Variants in EIF4G3 observed in about 807,000 individuals in gnomAD.
EIF4G3 encodes the protein eIF-4-gamma 3.
A neutral mutation model predicts 186.4 loss-of-function variants in EIF4G3; 34 were observed. That is an observed-to-expected ratio of 0.18 (90% CI 0.14 to 0.24). EIF4G3 has a LOEUF of 0.24. Ranked by LOEUF, EIF4G3 falls within the 10% of genes least tolerant of loss-of-function variation. EIF4G3 has a pLI of 1.00. For synonymous variants in EIF4G3, 673 were observed against 679.5 expected, an observed-to-expected ratio of 0.99 and a Z score of 0.15; for missense variants, 1,536 against 1,948.5, an observed-to-expected ratio of 0.79 and a Z score of 3.99.
At chr1:20,814,769 C>A (rs1557738124) in intron 34 of EIF4G3, among the ~76,000 whole-genome samples, 1 of 70,770 alleles carries the variant, frequency 1.4e-5, no homozygotes, top group African/African-American at 5.2e-5. Flanking sequence ...CCCTCCCCCT[C>A]CCCCTCCCCC....
chr1:21,158,330 C>T (rs2097699230), intron 2 of EIF4G3, among the ~76,000 whole-genome samples: 1 of 151,752 alleles, frequency 6.6e-6, no homozygotes. Context: ...CACATACCAC[C>T]ATGCCCAGGT....
At chr1:21,166,916 G>A (rs2097864529) in intron 2 of EIF4G3, among the ~76,000 whole-genome samples, 1 of 151,882 alleles carries the variant, frequency 6.6e-6, no homozygotes, top group Non-Finnish European at 1.5e-5. Context: ...CAAGTAGCTG[G>A]GACTACAGGC....
At chr1:20,883,460 T>C (rs920471194) in intron 19 of EIF4G3, among the ~76,000 whole-genome samples, 1 of 151,466 alleles carries the variant, frequency 6.6e-6, no homozygotes, top group Non-Finnish European at 1.5e-5. Context: ...CTACTAAAAA[T>C]ATAAAAAGTT....
intron 33 of EIF4G3, among the ~76,000 whole-genome samples, chr1:20,821,232 A>T (rs920836630): frequency 6.6e-6 from 1 of 152,216 alleles, no homozygotes; most frequent in African/African-American, 2.4e-5. Flanking sequence ...GTCAACTAAA[A>T]GTCAATTAAA....
At chr1:21,011,469 C>T (rs145437464) in intron 4 of EIF4G3, among the ~76,000 whole-genome samples, 43 of 152,284 alleles carry the variant, frequency 2.8e-4, no homozygotes, top group Non-Finnish European at 3.2e-4. Context: ...AGAAAAACCA[C>T]ATCGATACAA....
intron 2 of EIF4G3, among the ~76,000 whole-genome samples, chr1:21,091,135 GTCT>G (rs1421170382): frequency 2.0e-5 from 3 of 152,086 alleles, no homozygotes; most frequent in Non-Finnish European, 4.4e-5. Context: ...AACAGCTATA[GTCT>G]TCTTTTTTTA....
intron 3 of EIF4G3, among the ~76,000 whole-genome samples, chr1:21,058,863 C>T (rs2094726335): frequency 6.6e-6 from 1 of 151,332 alleles, no homozygotes; most frequent in African/African-American, 2.4e-5. Context: ...GCCACCACAC[C>T]TGGCCAAACT....
chr1:21,024,389 G>A (rs2091672391), intron 4 of EIF4G3, among the ~76,000 whole-genome samples: 1 of 152,262 alleles, frequency 6.6e-6, no homozygotes, highest in Non-Finnish European at 1.5e-5. Context: ...TCTGGGAGGT[G>A]TGCCCAACAG....
chr1:20,919,449 C>A (rs973810509), intron 14 of EIF4G3, among the ~76,000 whole-genome samples: 1 of 152,168 alleles, frequency 6.6e-6, no homozygotes, highest in South Asian at 2.1e-4. Flanking sequence ...AACCAATCCA[C>A]CCAACTTGAC....
At chr1:21,152,493 G>T (rs1446550020) in intron 2 of EIF4G3, among the ~76,000 whole-genome samples, 2 of 150,564 alleles carry the variant, frequency 1.3e-5, no homozygotes, top group Non-Finnish European at 3.0e-5. Flanking sequence ...CCCTTACAGG[G>T]CCTTCAACAT....
chr1:21,019,500 C>T (rs1258133682), intron 4 of EIF4G3, among the ~76,000 whole-genome samples: 6 of 152,162 alleles, frequency 3.9e-5, no homozygotes, highest in Non-Finnish European at 8.8e-5. Flanking sequence ...CTGCACAAAA[C>T]ATGATGCCTT....
chr1:20,833,077 T>C (rs1332391726), intron 30 of EIF4G3, among the ~76,000 whole-genome samples: 3 of 98,596 alleles, frequency 3.0e-5, no homozygotes, highest in African/African-American at 7.8e-5. Context: ...TGGCTTAGGA[T>C]TGACTTGGCG....
chr1:20,826,481 CTTTTTTTTTTTTTT>C (rs71014120), intron 32 of EIF4G3, among the ~76,000 whole-genome samples: 10 of 50,634 alleles, frequency 2.0e-4, no homozygotes, highest in Non-Finnish European at 2.4e-4. Context: ...GTGAGTCTTT[CTTTTTTTTTTTTTT>C]TTTTTTTTTT....
chr1:20,822,761 T>C (rs781591085), intron 33 of EIF4G3, among the ~76,000 whole-genome samples: 36 of 152,218 alleles, frequency 2.4e-4, no homozygotes, highest in African/African-American at 6.3e-4. Context: ...GCTGAGGTTA[T>C]TGACCTTTCT....
intron 32 of EIF4G3, among the ~76,000 whole-genome samples, chr1:20,826,159 G>C (rs2063558642): frequency 6.6e-6 from 1 of 152,130 alleles, no homozygotes; most frequent in African/African-American, 2.4e-5. Flanking sequence ...AAGAATGTGA[G>C]TTTTTAGTTA....
At chr1:20,949,910 G>T in intron 13 of EIF4G3, 93 bp downstream of exon 13, 1 of 1,060,074 alleles carries the variant, frequency 9.4e-7, no homozygotes, top group Non-Finnish European at 1.4e-6. Context: ...AATAATCCTT[G>T]GATGCTGTAC....
At chr1:21,113,052 G>C (rs1314264731) in intron 2 of EIF4G3, among the ~76,000 whole-genome samples, 1 of 146,582 alleles carries the variant, frequency 6.8e-6, no homozygotes, top group Non-Finnish European at 1.5e-5. Context: ...CCAGCACTTT[G>C]GGAGGCTGAG....
intron 2 of EIF4G3, among the ~76,000 whole-genome samples, chr1:21,117,269 C>T (rs1336947439): frequency 6.6e-6 from 1 of 151,920 alleles, no homozygotes; most frequent in Non-Finnish European, 1.5e-5. Context: ...TCAAAATCAC[C>T]TGGCACTGGT....
intron 29 of EIF4G3, among the ~76,000 whole-genome samples, chr1:20,848,225 C>A (rs575455262): frequency 6.6e-6 from 1 of 152,284 alleles, no homozygotes; most frequent in African/African-American, 2.4e-5. Context: ...CCTCAGCTCC[C>A]AAGGTGCTGG....
Sources: gnomAD v4.1 joint callset for allele counts (sites outside exome capture counted in the v4.1 genomes callset) on GRCh38, gnomAD v4.1.1 for gene constraint, MANE v1.5 for transcripts, NCBI Gene and HGNC (gene_info 2026-07-23, HGNC 2026-07-21) for gene names.